TRIM9: variants seen among roughly 807,000 people sequenced by gnomAD.
TRIM9 encodes the protein E3 ubiquitin-protein ligase TRIM9.
Under a neutral mutation model 78.3 loss-of-function variants are expected in TRIM9, and 26 were observed. The observed-to-expected ratio is 0.33, with a 90% CI of 0.24 to 0.46. The LOEUF is 0.46. Ranked by LOEUF, TRIM9 falls within the 20% of genes least tolerant of loss-of-function variation. TRIM9 has a pLI of 1.00. For missense variants in TRIM9, 787 were observed against 1,036.4 expected (o/e 0.76, Z 3.30); for synonymous variants, 398 against 416.5 (o/e 0.96, Z 0.54).
At chr14:51,076,101 T>C (rs1011003629) in intron 1 of TRIM9, among the ~76,000 whole-genome samples, 1 of 152,208 alleles carries the variant, frequency 6.6e-6, no homozygotes, top group South Asian at 2.1e-4. Context: ...GACAATCTCA[T>C]TGATCCTGCT....
intron 3 of TRIM9, among the ~76,000 whole-genome samples, chr14:51,011,729 A>G (rs754119300): frequency 3.9e-5 from 6 of 152,248 alleles, no homozygotes; most frequent in Non-Finnish European, 8.8e-5. Context: ...CAATCAGGAA[A>G]TAGATGAGAA....
intron 7 of TRIM9, 179 bp downstream of exon 7, chr14:50,997,871 C>T: frequency 1.4e-6 from 2 of 1,431,658 alleles, no homozygotes; most frequent in Non-Finnish European, 1.8e-6. Flanking sequence ...GGTTTGATCA[C>T]ATCCACATAC....
chr14:51,068,067 T>C (rs1490330334), intron 1 of TRIM9, among the ~76,000 whole-genome samples: 1 of 152,184 alleles, frequency 6.6e-6, no homozygotes, highest in African/African-American at 2.4e-5. Context: ...AAAACACAGG[T>C]TGCTGGACCC....
At chr14:51,092,254 G>T (rs957845003) in intron 1 of TRIM9, among the ~76,000 whole-genome samples, 5 of 152,152 alleles carry the variant, frequency 3.3e-5, no homozygotes, top group African/African-American at 1.2e-4. Context: ...GCCCAGTTAG[G>T]CTTCAATTTG....
intron 2 of TRIM9, among the ~76,000 whole-genome samples, chr14:51,024,475 C>T (rs760705415): frequency 7.9e-5 from 12 of 152,134 alleles, no homozygotes; most frequent in Non-Finnish European, 1.8e-4. Flanking sequence ...TGAACTTAGG[C>T]AATTTACTGG....
chr14:51,019,503 C>T (rs2057542163), intron 3 of TRIM9, among the ~76,000 whole-genome samples: 1 of 152,090 alleles, frequency 6.6e-6, no homozygotes, highest in South Asian at 2.1e-4. Context: ...CTATTTTATA[C>T]AATGATCAAT....
At chr14:51,035,652 G>T (rs868634025) in intron 1 of TRIM9, among the ~76,000 whole-genome samples, 1 of 152,202 alleles carries the variant, frequency 6.6e-6, no homozygotes, top group South Asian at 2.1e-4. Context: ...CAGTGTGGAC[G>T]TGAAGGCAGC....
intron 7 of TRIM9, among the ~76,000 whole-genome samples, chr14:50,993,801 A>G (rs2053845143): frequency 6.6e-6 from 1 of 152,174 alleles, no homozygotes; most frequent in African/African-American, 2.4e-5. Context: ...TAATGTTAGC[A>G]CCACAGCGGA....
intron 5 of TRIM9, among the ~76,000 whole-genome samples, chr14:51,002,603 A>C (rs1309119843): frequency 1.3e-5 from 2 of 152,224 alleles, no homozygotes; most frequent in African/African-American, 4.8e-5. Context: ...ATGCTGTACC[A>C]AAATTGGACT....
chr14:51,094,680 G>A lies in TRIM9; in HGVS notation c.260C>T (p.Ala87Val), dbSNP rs1161461801. The change falls in exon 1 of 13, where the codon GCC becomes GTC. Residue 87 changes from alanine (A) to valine (V), a missense_variant. Ala to Val is a moderately conservative substitution (Grantham distance 64, BLOSUM62 0). This residue lies in a region of TRIM9 where 352 missense variants were observed against 472.3 expected (regional missense o/e 0.75). Transcript: ENST00000684578. ...GGACTTCTGGCACGGGGTAGTGGGG[G>A]CGCTGGCGAACCCCCCGTAGGAGCC... Reference protein sequence around the residue: ...GYGSYGGFASAPTTPCQKSPN... With the variant: ...GYGSYGGFASVPTTPCQKSPN... 11 of 1,579,050 alleles carry A rather than the reference G, an allele frequency of 7.0e-6. No homozygotes were observed. Among genetic ancestry groups the A allele is most frequent in the Non-Finnish European group, 9.5e-6 (11 of 1,161,512 alleles).
At chr14:51,049,296 A>G (rs11844311) in intron 1 of TRIM9, among the ~76,000 whole-genome samples, 29,872 of 152,006 alleles carry the variant, frequency 0.2, 3,308 homozygotes, top group Non-Finnish European at 0.25. Flanking sequence ...ATTTTGTTTT[A>G]CAGATTGAAA....
chr14:50,979,518 T>C lies in TRIM9; in HGVS notation c.2194A>G (p.Ile732Val), dbSNP rs747326306. Residue 732 changes from isoleucine (I) to valine (V), a missense_variant, in exon 12 of 13, where the codon ATT (isoleucine) becomes GTT (valine). Physicochemically the swap from Ile to Val is conservative, Grantham distance 29 (BLOSUM62 3). This residue lies in a region of TRIM9 where 421 missense variants were observed against 514.3 expected (regional missense o/e 0.82). Coordinates refer to ENST00000684578, the MANE Select transcript of TRIM9 (RefSeq NM_001387360.1). ...CTATTTAAGTCGAGGAGGACCCCAA[T>C]TGTGGCCCCTTTTGTGATCCCTCCC... ...TEGGITKGATIGVLLDLNRKN... is the reference protein window; with the variant it reads ...TEGGITKGATVGVLLDLNRKN... 7 of 1,614,138 alleles carry C rather than the reference T, an allele frequency of 4.3e-6. No homozygotes were observed. The South Asian group carries it at 4.4e-5, about 10-fold the overall frequency.
rs1566532256 is a variant in TRIM9, at chr14:50,976,200, G to A, written c.*1091C>T. On this transcript the variant is annotated 3_prime_UTR_variant, in exon 13 of 13. Coordinates refer to ENST00000684578, the MANE Select transcript of TRIM9 (RefSeq NM_001387360.1). ...ATGCTGACATCATTTCTACCAAGAA[G>A]GGCTCTGTGATGAGTGGCAGCAGGT... 6.6e-6 allele frequency: 1 copy of A among 152,424 alleles called. No individual in the cohort carries two copies. The highest frequency in any genetic ancestry group is 1.9e-4 in the East Asian group (1 of 5,192). The allele number at this position is 152,424 out of a possible 1,614,324, so 9.4% of individuals were successfully genotyped here. A position where few individuals can be genotyped will look rare whatever the true frequency, so the allele number is the denominator to read the frequency against.
intron 7 of TRIM9, among the ~76,000 whole-genome samples, chr14:50,994,197 G>C (rs2053902637): frequency 6.6e-6 from 1 of 152,194 alleles, no homozygotes; most frequent in South Asian, 2.1e-4. Context: ...CTTGAGGCCA[G>C]GAGTTTGAGA....
At chr14:51,075,197 G>C (rs1443398604) in intron 1 of TRIM9, among the ~76,000 whole-genome samples, 1 of 152,100 alleles carries the variant, frequency 6.6e-6, no homozygotes, top group African/African-American at 2.4e-5. Context: ...GATCCAAATA[G>C]GGACCTCAAA....
chr14:51,022,798 T>A (rs1204820104), intron 3 of TRIM9, 37 bp downstream of exon 3: 7 of 1,611,996 alleles, frequency 4.3e-6, no homozygotes, highest in Non-Finnish European at 5.9e-6. Context: ...GAGCCTGGCT[T>A]GTTGGCTTTC....
At chr14:51,053,287 T>C (rs1017132590) in intron 1 of TRIM9, among the ~76,000 whole-genome samples, 31 of 151,850 alleles carry the variant, frequency 2.0e-4, no homozygotes, top group African/African-American at 6.0e-4. Flanking sequence ...TATGAAATAC[T>C]TAATTAATGA....
chr14:51,001,203 T>G (rs2054947984), intron 5 of TRIM9, among the ~76,000 whole-genome samples: 2 of 151,824 alleles, frequency 1.3e-5, no homozygotes, highest in African/African-American at 4.8e-5. Flanking sequence ...ATTTAACTTA[T>G]AACGTGCCTG....
intron 5 of TRIM9, 32 bp from the exon 6 acceptor site, chr14:51,000,872 G>C: frequency 1.2e-6 from 2 of 1,612,004 alleles, no homozygotes; most frequent in Non-Finnish European, 1.7e-6. Context: ...TCTGGCTTCT[G>C]TTAAGCTGCA....
Sources: allele counts gnomAD v4.1 joint callset (sites outside exome capture counted in the v4.1 genomes callset), GRCh38; gene constraint gnomAD v4.1.1; regional missense constraint gnomAD v4.1.1; transcripts MANE v1.5; gene names NCBI Gene and HGNC (gene_info 2026-07-23, HGNC 2026-07-21).